DDX19A: variants seen among roughly 807,000 people sequenced by gnomAD.
DDX19A encodes the protein ATP-dependent RNA helicase DDX19A.
DDX19A carries 12 observed loss-of-function variants against 60.6 expected under a neutral mutation model. That is an observed-to-expected ratio of 0.20 (90% confidence interval 0.13 to 0.32). The LOEUF is 0.32. Among genes scored for constraint, DDX19A ranks in the 10% least tolerant of loss-of-function variants. The probability of loss-of-function intolerance (pLI) is 1.00; values close to 1 mark genes in which losing one functional copy is unlikely to be tolerated. For synonymous variants in DDX19A, 206 were observed against 218.2 expected (o/e 0.94, Z 0.49); for missense variants, 337 against 600.6 (o/e 0.56, Z 4.59).
At chr16:70,353,371 C>G (rs116711342) in intron 2 of DDX19A, among the ~76,000 whole-genome samples, 1,884 of 151,826 alleles carry the variant, frequency 0.012, 31 homozygotes, top group African/African-American at 0.043. Context: ...CGCTTGGCCT[C>G]GCAAAGTGCT....
At chr16:70,366,428 C>A in intron 8 of DDX19A, 166 bp downstream of exon 8, 2 of 1,269,968 alleles carry the variant, frequency 1.6e-6, no homozygotes, top group Non-Finnish European at 2.2e-6. Flanking sequence ...CAGTCCCTCC[C>A]AACCTGGGTT....
chr16:70,369,184 T>G (rs1331923694), intron 9 of DDX19A, among the ~76,000 whole-genome samples: 27 of 130,748 alleles, frequency 2.1e-4, no homozygotes, highest in African/African-American at 7.2e-4. Flanking sequence ...TTTTTTTTTT[T>G]TTTTTTTTTT....
chr16:70,369,302 C>T (rs928612600), intron 9 of DDX19A, among the ~76,000 whole-genome samples: 4 of 149,722 alleles, frequency 2.7e-5, no homozygotes, highest in Non-Finnish European at 4.4e-5. Context: ...CCCTCGGCTT[C>T]CTGAGTAGCT....
At chr16:70,348,613 T>C (rs1597517795) in intron 1 of DDX19A, among the ~76,000 whole-genome samples, 1 of 105,190 alleles carries the variant, frequency 9.5e-6, no homozygotes, top group Non-Finnish European at 1.8e-5. Context: ...GGCTACTGAG[T>C]GAGACTCTGT....
In DDX19A at chr16:70,372,754, G is replaced by A. The variant is rs2047296502; in HGVS notation, c.*768G>A. 6.6e-6 allele frequency: 1 copy of A among 152,332 alleles called. No individual in the cohort carries two copies. Among genetic ancestry groups the A allele is most frequent in the Non-Finnish European group, 1.5e-5 (1 of 68,174 alleles). 9.4% of individuals were successfully genotyped at this position (152,332 alleles called of 1,614,324 possible). A position where few individuals can be genotyped will look rare whatever the true frequency, so the allele number is the denominator to read the frequency against. The stretch of plus-strand genomic sequence containing the variant: ...CCTCTGCCTAGGCCCCTGGTACTCA[G>A]TCACGGCAGCCAGGAGACCCCAGGT... On this transcript the variant is annotated 3_prime_UTR_variant, in exon 12 of 12. Transcript: ENST00000302243.
intron 8 of DDX19A, 50 bp from the exon 9 acceptor site, chr16:70,366,574 G>C (rs767552761): frequency 4.7e-5 from 76 of 1,609,982 alleles, no homozygotes; most frequent in Non-Finnish European, 6.2e-5. Context: ...CTGTGCTTCC[G>C]TTGCTTCCCA....
Position 70,346,938 on chromosome 16 carries a change from T to C in DDX19A, c.-54T>C, listed in dbSNP as rs1385975772. On this transcript the variant is annotated 5_prime_UTR_variant, in exon 1 of 12. Transcript: ENST00000302243. Reference sequence around the variant, plus strand: ...GCCGGTGGCGAGGTTAGGGCCCGCGTTGCGACGTGGTGCAGCGCATATTTT... The same window carrying C: ...GCCGGTGGCGAGGTTAGGGCCCGCGCTGCGACGTGGTGCAGCGCATATTTT... 3.2e-6 allele frequency: 5 copies of C among 1,565,084 alleles called. No homozygotes were observed. The highest frequency in any genetic ancestry group is 3.6e-5 in the Admixed American group (2 of 55,486).
chr16:70,367,141 C>T (rs528182735), intron 9 of DDX19A, among the ~76,000 whole-genome samples: 2 of 152,208 alleles, frequency 1.3e-5, no homozygotes, highest in South Asian at 2.1e-4. Context: ...AAAAATTCAA[C>T]AAGATGGCCG....
intron 1 of DDX19A, among the ~76,000 whole-genome samples, chr16:70,349,807 A>G (rs2152223054): frequency 6.6e-6 from 1 of 152,320 alleles, no homozygotes; most frequent in South Asian, 2.1e-4. Context: ...GAATATCACA[A>G]ATATAGGCCT....
intron 4 of DDX19A, 94 bp from the exon 5 acceptor site, chr16:70,361,324 G>A (rs1023032600): frequency 5.4e-6 from 5 of 931,946 alleles, no homozygotes; most frequent in Non-Finnish European, 8.7e-6. Context: ...GAGGTAGGAG[G>A]CATCATTCCT....
At chr16:70,356,923 G>T in intron 4 of DDX19A, 4 of 866,110 alleles carry the variant, frequency 4.6e-6, no homozygotes, top group Non-Finnish European at 6.1e-6. Context: ...CCTTAAGTGA[G>T]AACATGTGCT....
chr16:70,366,151 G>A lies in DDX19A; in HGVS notation c.671G>A (p.Cys224Tyr), dbSNP rs764910019. ...IGTPGTVLDW[C>Y]SKLKFIDPKK... Reference sequence around the variant, plus strand: ...ACCCCTGGGACCGTGCTGGACTGGTGCTCCAAGCTCAAGTTCATTGATCCC... The same window carrying A: ...ACCCCTGGGACCGTGCTGGACTGGTACTCCAAGCTCAAGTTCATTGATCCC... The change falls in exon 8 of 12, where the codon TGC becomes TAC. Residue 224 changes from cysteine (C) to tyrosine (Y), a missense_variant. Physicochemically the swap from Cys to Tyr is radical, Grantham distance 194. Around this residue, in one of 6 missense-constraint regions of DDX19A, gnomAD observed 117 missense variants for 274.3 expected, o/e 0.43. Transcript: ENST00000302243. 3.1e-6 allele frequency: 5 copies of A among 1,614,118 alleles called. No homozygotes were observed. The South Asian group carries it at 5.5e-5, about 18-fold the overall frequency.
In DDX19A at chr16:70,364,529, C is replaced by T. The variant is rs781113258; in HGVS notation, c.387-14C>T. ...CACCAATTTAAGTTTCATTTCTGTTCTTCCTTGATCCAGCCCACAGAATCT... is the reference window on the plus strand; with the variant it reads ...CACCAATTTAAGTTTCATTTCTGTTTTTCCTTGATCCAGCCCACAGAATCT... On this transcript the variant is annotated splice_polypyrimidine_tract_variant and intron_variant, in intron 5 of 11. Coordinates refer to ENST00000302243, the MANE Select transcript of DDX19A (RefSeq NM_018332.5). The T allele has an allele frequency of 5.0e-6, 8 of 1,591,778 alleles. No homozygotes were observed. The highest frequency in any genetic ancestry group is 6.0e-6 in the Non-Finnish European group (7 of 1,161,072).
chr16:70,362,609 A>C (rs1964399733), intron 5 of DDX19A, among the ~76,000 whole-genome samples: 1 of 152,034 alleles, frequency 6.6e-6, no homozygotes, highest in Admixed American at 6.6e-5. Context: ...ACAGGGTCTC[A>C]TTCTGTTTCC....
intron 10 of DDX19A, 134 bp from the exon 11 acceptor site, chr16:70,371,238 T>C (rs1964678926): frequency 1.3e-6 from 2 of 1,517,348 alleles, no homozygotes; most frequent in East Asian, 2.3e-5. Context: ...GTGCCCTCTC[T>C]TGTACCCAGA....
chr16:70,371,897 G>C (rs1007880495), intron 11 of DDX19A, 28 bp from the exon 12 acceptor site: 1 of 1,613,960 alleles, frequency 6.2e-7, no homozygotes, highest in Non-Finnish European at 8.5e-7. Flanking sequence ...TCCTGGGCAG[G>C]GTAGAGACTT....
intron 2 of DDX19A, among the ~76,000 whole-genome samples, chr16:70,355,130 T>C (rs1298140785): frequency 6.6e-6 from 1 of 152,246 alleles, no homozygotes; most frequent in East Asian, 1.9e-4. Flanking sequence ...CCCAGCACTT[T>C]GGGAGGCCAA....
At chr16:70,356,741 C>A in intron 4 of DDX19A, 3 of 396,512 alleles carry the variant, frequency 7.6e-6, no homozygotes, top group South Asian at 5.7e-5. Flanking sequence ...CAGTATTAAT[C>A]TCCCACCCTT....
chr16:70,361,322 A>G, intron 4 of DDX19A, 96 bp from the exon 5 acceptor site: 1 of 920,726 alleles, frequency 1.1e-6, no homozygotes, highest in East Asian at 2.4e-5. Flanking sequence ...CAGAGGTAGG[A>G]GGCATCATTC....
Sources: gnomAD v4.1 joint callset for allele counts (sites outside exome capture counted in the v4.1 genomes callset) on GRCh38, gnomAD v4.1.1 for gene constraint, gnomAD v4.1.1 regional missense constraint, MANE v1.5 for transcripts, NCBI Gene and HGNC (gene_info 2026-07-23, HGNC 2026-07-21) for gene names.